Variants in XPO1 observed in about 807,000 individuals in gnomAD.
XPO1 encodes exportin 1.
Under a neutral mutation model 133.3 loss-of-function variants are expected in XPO1, and 5 were observed. That is an observed-to-expected ratio of 0.04 (90% CI 0.02 to 0.08). The LOEUF is 0.08. XPO1 is among the 10% of genes least tolerant of loss of function. XPO1 has a pLI of 1.00. For synonymous variants in XPO1, 419 were observed against 408.2 expected (o/e 1.03, Z -0.32); for missense variants, 506 against 1,267.5 (o/e 0.40, Z 9.12).
intron 6 of XPO1, among the ~76,000 whole-genome samples, chr2:61,500,416 T>C (rs1485389530): frequency 3.3e-5 from 5 of 151,578 alleles, no homozygotes; most frequent in Non-Finnish European, 7.4e-5. Flanking sequence ...CTGTCTCTAC[T>C]AAAAATACAA....
intron 4 of XPO1, among the ~76,000 whole-genome samples, chr2:61,519,597 G>C (rs1401660304): frequency 6.7e-6 from 1 of 149,146 alleles, no homozygotes; most frequent in East Asian, 2.0e-4. Flanking sequence ...TACTCAGGAG[G>C]CTGAGACAGG....
At chr2:61,531,943 C>A (rs1295524198) in intron 2 of XPO1, among the ~76,000 whole-genome samples, 2 of 152,076 alleles carry the variant, frequency 1.3e-5, no homozygotes, top group Non-Finnish European at 2.9e-5. Context: ...CTACTTTTAG[C>A]GTTTCCATGG....
intron 20 of XPO1, chr2:61,484,465 T>C (rs565500433): frequency 5.5e-6 from 1 of 180,778 alleles, no homozygotes; most frequent in South Asian, 1.3e-4. Flanking sequence ...CCACTTAACG[T>C]ATCTTTTATC....
intron 21 of XPO1, chr2:61,483,677 A>T (rs1696525101): frequency 2.9e-6 from 1 of 344,930 alleles, no homozygotes; most frequent in African/African-American, 2.2e-5. Context: ...AACTTCTACA[A>T]CATCACTACC....
intron 2 of XPO1, among the ~76,000 whole-genome samples, chr2:61,530,529 C>A (rs2104816692): frequency 6.6e-6 from 1 of 152,084 alleles, no homozygotes; most frequent in South Asian, 2.1e-4. Flanking sequence ...AGAAAACATC[C>A]AACTCTTCCC....
chr2:61,518,722 G>A (rs954573492), intron 4 of XPO1, among the ~76,000 whole-genome samples: 1 of 152,074 alleles, frequency 6.6e-6, no homozygotes, highest in African/African-American at 2.4e-5. Flanking sequence ...GGAATAAAGT[G>A]ACTAAAACAG....
At chr2:61,529,457 ACCAGCCTGG>A (rs1288583466) in intron 2 of XPO1, among the ~76,000 whole-genome samples, 1 of 152,174 alleles carries the variant, frequency 6.6e-6, no homozygotes, top group African/African-American at 2.4e-5. Flanking sequence ...GAAGTTCAAG[ACCAGCCTGG>A]CCAACATGGT....
Position 61,496,981 on chromosome 2 carries a change from A to C in XPO1, c.786T>G (p.Asn262Lys). ...TCTCAGTGAGGCACTTCAGAGAGAC[A>C]TTTCGAAACATTGGAACATTCAGGA... ...YKFLNVPMFRNVSLKCLTEIA... is the reference protein window; with the variant it reads ...YKFLNVPMFRKVSLKCLTEIA... Residue 262 changes from asparagine to lysine, a missense_variant, in exon 10 of 25, where the codon AAT (asparagine) becomes AAG (lysine). Coordinates refer to ENST00000401558, the MANE Select transcript of XPO1 (RefSeq NM_003400.4). The C allele has an allele frequency of 6.2e-7, 1 of 1,613,070 alleles. No homozygotes were observed. The highest frequency in any genetic ancestry group is 8.5e-7 in the Non-Finnish European group (1 of 1,179,682).
rs1697265340 is a variant in XPO1, at chr2:61,496,864, A to G, written c.888+15T>C. The G allele has an allele frequency of 4.5e-6, 7 of 1,542,526 alleles. No homozygotes were observed. Among genetic ancestry groups the G allele is most frequent in the South Asian group, 1.2e-5 (1 of 80,274 alleles). ...TAAAATTATTCAGCCAATTTTCAAG[A>G]TAGTATTATATTACCTGCTTTAGTT... On this transcript the variant is annotated intron_variant, in intron 10 of 24. Coordinates refer to ENST00000401558, the MANE Select transcript of XPO1 (RefSeq NM_003400.4).
chr2:61,509,689 G>A (rs1322777015), intron 4 of XPO1, among the ~76,000 whole-genome samples: 1 of 152,122 alleles, frequency 6.6e-6, no homozygotes, highest in Non-Finnish European at 1.5e-5. Context: ...TGCTTAACTC[G>A]TGAGCATAAT....
intron 2 of XPO1, among the ~76,000 whole-genome samples, chr2:61,529,988 T>C (rs1266218490): frequency 6.6e-6 from 1 of 152,234 alleles, no homozygotes; most frequent in African/African-American, 2.4e-5. Flanking sequence ...ATGGGCATAA[T>C]GTGTCATATG....
At chr2:61,536,895 G>A (rs2104870566) in intron 1 of XPO1, 1 of 152,738 alleles carries the variant, frequency 6.5e-6, no homozygotes. Flanking sequence ...GGAGAATCAG[G>A]GCATCCTCCA....
chr2:61,531,716 A>G (rs539363887), intron 2 of XPO1, among the ~76,000 whole-genome samples: 1 of 152,366 alleles, frequency 6.6e-6, no homozygotes, highest in Non-Finnish European at 1.5e-5. Context: ...AGCTTCCTCC[A>G]AAAGCAGCTG....
In XPO1 at chr2:61,490,563, G is replaced by A. The variant is rs554398041; in HGVS notation, c.2022+79C>T. The A allele has an allele frequency of 2.5e-6, 4 of 1,574,378 alleles. No individual in the cohort carries two copies. In the African/African-American group the frequency reaches 4.1e-5, roughly 16 times the overall value. The stretch of plus-strand genomic sequence containing the variant: ...ATGGATCACACATACATGTTAAAAG[G>A]CTTGAATTCAATACATTTGTAAAGA... On this transcript the variant is annotated intron_variant, in intron 17 of 24. Coordinates refer to ENST00000401558, the MANE Select transcript of XPO1 (RefSeq NM_003400.4).
At chr2:61,504,985 A>G (rs932130334) in intron 4 of XPO1, among the ~76,000 whole-genome samples, 2 of 152,230 alleles carry the variant, frequency 1.3e-5, no homozygotes, top group African/African-American at 4.8e-5. Context: ...AAATACATAA[A>G]ATGAATAGGG....
At chr2:61,499,589 A>G in intron 7 of XPO1, 124 bp downstream of exon 7, 3 of 945,442 alleles carry the variant, frequency 3.2e-6, no homozygotes, top group Non-Finnish European at 4.5e-6. Context: ...GCAGTTGAAA[A>G]CCACTACAAG....
At chr2:61,502,216 G>T in intron 5 of XPO1, 33 bp downstream of exon 5, 3 of 1,599,486 alleles carry the variant, frequency 1.9e-6, no homozygotes, top group Non-Finnish European at 2.6e-6. Flanking sequence ...ATGATTTTAT[G>T]CTCTCCCAAT....
rs3732171 is a variant in XPO1, at chr2:61,522,555, C to A, written c.301+56G>T. 197 of 1,474,664 alleles carry A rather than the reference C, an allele frequency of 1.3e-4. 1 individual carries two copies. The South Asian group carries it at 2.2e-3, about 17-fold the overall frequency. The allele number at this position is 1,474,664 out of a possible 1,614,324, so 91.3% of individuals were successfully genotyped here. ...ACATGCCCCCTCAAACAGTCAACTA[C>A]AATAAAAATGCCAGGAAAAACAAAA... On this transcript the variant is annotated intron_variant, in intron 4 of 24. Coordinates refer to ENST00000401558, the MANE Select transcript of XPO1 (RefSeq NM_003400.4).
At chr2:61,485,402 T>C (rs1696630674) in intron 20 of XPO1, 1 of 163,908 alleles carries the variant, frequency 6.1e-6, no homozygotes, top group African/African-American at 2.4e-5. Flanking sequence ...TTCTGTGTAG[T>C]AAATTCTTCT....
Sources: gnomAD v4.1 joint callset for allele counts (sites outside exome capture counted in the v4.1 genomes callset) on GRCh38, gnomAD v4.1.1 for gene constraint, MANE v1.5 for transcripts, NCBI Gene and HGNC (gene_info 2026-07-23, HGNC 2026-07-21) for gene names.